Variants in ANOS1 observed in about 807,000 individuals in gnomAD.
ANOS1 encodes the protein anosmin-1.
A neutral mutation model predicts 59.0 loss-of-function variants in ANOS1; 6 were observed. The observed-to-expected ratio is 0.10, with a 90% CI of 0.06 to 0.20. ANOS1 has a LOEUF of 0.20. Among genes scored for constraint, ANOS1 ranks in the 10% least tolerant of loss-of-function variants. The pLI, the probability that ANOS1 is intolerant of heterozygous loss-of-function variation, is 1.00. For synonymous variants in ANOS1, 217 were observed against 223.4 expected, an observed-to-expected ratio of 0.97 and a Z score of 0.25; for missense variants, 433 against 542.3, an observed-to-expected ratio of 0.80 and a Z score of 2.00.
intron 3 of ANOS1, among the ~76,000 whole-genome samples, chrX:8,609,286 A>C (rs1931000061): frequency 8.9e-6 from 1 of 111,792 alleles, no homozygotes; most frequent in African/African-American, 3.3e-5. Context: ...TCTGATTTAC[A>C]ACCCAGACCT....
At chrX:8,665,381 G>A (rs1014441200) in intron 2 of ANOS1, among the ~76,000 whole-genome samples, 3 of 112,286 alleles carry the variant, frequency 2.7e-5, no homozygotes, top group African/African-American at 9.7e-5. Flanking sequence ...TACTTCAGAG[G>A]TGAGATATTG....
At chrX:8,647,748 T>G (rs1931784610) in intron 2 of ANOS1, among the ~76,000 whole-genome samples, 1 of 112,044 alleles carries the variant, frequency 8.9e-6, no homozygotes, top group African/African-American at 3.2e-5. Flanking sequence ...GCAAGTGCAC[T>G]TCGTATGTTC....
At chrX:8,568,600 G>A (rs746164988) in intron 7 of ANOS1, among the ~76,000 whole-genome samples, 12 of 110,499 alleles carry the variant, frequency 1.1e-4, no homozygotes, top group African/African-American at 4.0e-4. Flanking sequence ...TTGGGAGCCC[G>A]AGGTGGGAGG....
intron 8 of ANOS1, among the ~76,000 whole-genome samples, chrX:8,567,770 G>C (rs781375642): frequency 9.0e-6 from 1 of 111,080 alleles, no homozygotes; most frequent in Non-Finnish European, 1.9e-5. Context: ...CTCCAGCCTG[G>C]GTGACAGAGC....
At chrX:8,574,694 G>A (rs979989947) in intron 6 of ANOS1, among the ~76,000 whole-genome samples, 5 of 111,937 alleles carry the variant, frequency 4.5e-5, no homozygotes, top group African/African-American at 6.5e-5. Flanking sequence ...AACACAGACC[G>A]AAGGGCTGCA....
chrX:8,612,334 T>C (rs1931073110), intron 3 of ANOS1, among the ~76,000 whole-genome samples: 1 of 111,444 alleles, frequency 9.0e-6, no homozygotes, highest in African/African-American at 3.3e-5. Context: ...ATGTGGGTTT[T>C]AGCTAAAATA....
At chrX:8,726,043 G>A (rs1932917518) in intron 1 of ANOS1, among the ~76,000 whole-genome samples, 1 of 110,271 alleles carries the variant, frequency 9.1e-6, no homozygotes, top group African/African-American at 3.3e-5. Context: ...CTCTCTAAAT[G>A]CCTGGCCATC....
chrX:8,586,714 T>A (rs188295255), intron 5 of ANOS1, among the ~76,000 whole-genome samples: 35 of 111,285 alleles, frequency 3.1e-4, no homozygotes, highest in African/African-American at 1.0e-3. Context: ...TGATTAGCTT[T>A]ATGTTTTACT....
intron 1 of ANOS1, among the ~76,000 whole-genome samples, chrX:8,715,604 C>T (rs1371154019): frequency 1.8e-5 from 2 of 110,435 alleles, no homozygotes; most frequent in Non-Finnish European, 3.8e-5. Context: ...AACAAAAGCA[C>T]ACACGAGAGA....
intron 2 of ANOS1, among the ~76,000 whole-genome samples, chrX:8,645,401 G>A (rs1931736133): frequency 8.9e-6 from 1 of 111,752 alleles, no homozygotes; most frequent in African/African-American, 3.3e-5. Flanking sequence ...TACTTCTCGT[G>A]TGGCCCCTCA....
At chrX:8,704,243 G>C (rs907330546) in intron 1 of ANOS1, among the ~76,000 whole-genome samples, 1 of 111,700 alleles carries the variant, frequency 9.0e-6, no homozygotes, top group Non-Finnish European at 1.9e-5. Context: ...CAGGTATGTC[G>C]TTATTAGCAG....
intron 9 of ANOS1, among the ~76,000 whole-genome samples, chrX:8,545,100 A>C (rs1457391769): frequency 9.6e-6 from 1 of 104,125 alleles, no homozygotes; most frequent in East Asian, 3.0e-4. Context: ...AAGAGAAAAG[A>C]AAATTAGCTG....
chrX:8,647,961 A>G (rs1931787418), intron 2 of ANOS1, among the ~76,000 whole-genome samples: 1 of 112,323 alleles, frequency 8.9e-6, no homozygotes, highest in African/African-American at 3.2e-5. Context: ...AGCATTTGAA[A>G]TCCAGTGAGT....
In ANOS1 at chrX:8,587,009, G is replaced by T. The variant is rs1930525976; in HGVS notation, c.726+785C>A. On this transcript the variant is annotated intron_variant, in intron 5 of 13. Transcript: ENST00000262648. ...GGAAAAAATGATCTAATCAACATAA[G>T]GTGAGATTTTTTTTCCTATAGACAT... Among the ~76,000 whole-genome samples the T allele has an allele frequency of 5.5e-5, 6 of 108,148 alleles. No individual in the cohort carries two copies. In the Admixed American group the frequency reaches 6.0e-4, roughly 11 times the overall value. 93.9% of individuals were successfully genotyped at this position (108,148 alleles called of 115,157 possible).
chrX:8,718,365 A>G (rs1220622801), intron 1 of ANOS1, among the ~76,000 whole-genome samples: 2 of 111,321 alleles, frequency 1.8e-5, no homozygotes, highest in South Asian at 7.7e-4. Flanking sequence ...CCTGGCCCCA[A>G]ATAGCTTTAG....
chrX:8,715,293 GTC>G (rs1033999445), intron 1 of ANOS1, among the ~76,000 whole-genome samples: 6 of 110,888 alleles, frequency 5.4e-5, no homozygotes, highest in African/African-American at 2.0e-4. Flanking sequence ...CAGAGACAGG[GTC>G]TCTCTGTCAC....
intron 2 of ANOS1, among the ~76,000 whole-genome samples, chrX:8,658,133 C>T (rs1366647115): frequency 3.6e-5 from 4 of 112,028 alleles, no homozygotes; most frequent in African/African-American, 1.3e-4. Flanking sequence ...GCAGAAAGAG[C>T]TGTGGGTGCT....
At chrX:8,546,447 T>A (rs1304357220) in intron 9 of ANOS1, among the ~76,000 whole-genome samples, 1 of 112,267 alleles carries the variant, frequency 8.9e-6, no homozygotes, top group African/African-American at 3.2e-5. Context: ...ATGGATAAAA[T>A]TTAAGAAAAA....
At position 8,679,643 on chromosome X, in the gene ANOS1, G is replaced by A. The variant is rs540726083; in HGVS notation, c.255+20055C>T. Among the ~76,000 whole-genome samples the A allele has an allele frequency of 4.5e-5, 5 of 110,831 alleles. No homozygotes were observed. The South Asian group carries it at 1.9e-3, about 43-fold the overall frequency. ...TGGTGGTTGCCGGGGGCTGAGGGAG[G>A]GGGAAATGAGAAGTTGTTATTTCAT... On this transcript the variant is annotated intron_variant, in intron 2 of 13. Coordinates refer to ENST00000262648, the MANE Select transcript of ANOS1 (RefSeq NM_000216.4).
Sources: allele counts gnomAD v4.1 joint callset (sites outside exome capture counted in the v4.1 genomes callset), GRCh38; gene constraint gnomAD v4.1.1; transcripts MANE v1.5; gene names NCBI Gene and HGNC (gene_info 2026-07-23, HGNC 2026-07-21).